CCDC69: variants seen among roughly 807,000 people sequenced by gnomAD.
The protein encoded by CCDC69 is coiled-coil domain-containing protein 69.
Under a neutral mutation model 40.3 loss-of-function variants are expected in CCDC69, and 38 were observed. That is an observed-to-expected ratio of 0.94 (90% CI 0.73 to 1.24). The LOEUF is 1.24. Ranked by LOEUF, CCDC69 falls within the 50% of genes most tolerant of loss-of-function variation. The pLI is 0.00. For missense variants in CCDC69, 389 were observed against 357.9 expected, an observed-to-expected ratio of 1.09 and a Z score of -0.70; for synonymous variants, 141 against 138.9, an observed-to-expected ratio of 1.02 and a Z score of -0.11.
chr5:151,185,528 G>C lies in CCDC69; in HGVS notation c.509C>G (p.Pro170Arg). The stretch of plus-strand genomic sequence containing the variant: ...CAGCTCCTGCTCCCAGAACTGGCTG[G>C]GGCTCCCATAATCCTAGACAGGGAC... ...YKKHIQDYGS[P>R]SQFWEQELES... is the part of the protein sequence containing the mutation. Residue 170 changes from proline (P) to arginine (R), a missense_variant, in exon 7 of 9, where the codon CCC becomes CGC. Transcript: ENST00000355417. The C allele has an allele frequency of 6.2e-7, 1 of 1,613,976 alleles. No individual in the cohort carries two copies. Among genetic ancestry groups the C allele is most frequent in the Non-Finnish European group, 8.5e-7 (1 of 1,179,914 alleles).
At position 151,223,994 on chromosome 5, in the gene CCDC69, C is replaced by T. The variant is rs1170090702; in HGVS notation, c.-24G>A. 4 of 1,546,560 alleles carry T rather than the reference C, an allele frequency of 2.6e-6. No homozygotes were observed. Among genetic ancestry groups the T allele is most frequent in the East Asian group, 2.6e-5 (1 of 37,816 alleles). On this transcript the variant is annotated 5_prime_UTR_variant, in exon 1 of 9. Coordinates refer to ENST00000355417, the MANE Select transcript of CCDC69 (RefSeq NM_015621.3). ...ATCCTCCTCCGGGGGCTCCCGGACGCCGCTTCCCAACTCCGGGGCCCCCAG... is the reference window on the plus strand; with the variant it reads ...ATCCTCCTCCGGGGGCTCCCGGACGTCGCTTCCCAACTCCGGGGCCCCCAG...
chr5:151,203,857 T>A (rs1428298545), intron 2 of CCDC69, among the ~76,000 whole-genome samples: 2 of 140,668 alleles, frequency 1.4e-5, no homozygotes, highest in East Asian at 4.0e-4. Flanking sequence ...ATATATAGTA[T>A]ATATATAAAA....
At position 151,201,611 on chromosome 5, in the gene CCDC69, C is replaced by T; in HGVS notation, c.202G>A (p.Glu68Lys). The T allele has an allele frequency of 6.2e-7, 1 of 1,613,602 alleles. No individual in the cohort carries two copies. Among genetic ancestry groups the T allele is most frequent in the Non-Finnish European group, 8.5e-7 (1 of 1,179,672 alleles). The part of the protein sequence containing the change: ...KDITRILQQH[E>K]EEKKKWAQQV... The stretch of plus-strand genomic sequence containing the variant: ...TGTGCCCATTTCTTCTTTTCCTCCT[C>T]ATGTTGCTGGAGAATTCTGGTTATA... The change falls in exon 3 of 9, where the codon GAG becomes AAG. Residue 68 changes from glutamate (E) to lysine (K), a missense_variant. Glu to Lys is a moderately conservative substitution (Grantham distance 56). Coordinates refer to ENST00000355417, the MANE Select transcript of CCDC69 (RefSeq NM_015621.3).
chr5:151,186,062 C>A lies in CCDC69; in HGVS notation c.456G>T (p.Glu152Asp), dbSNP rs767606950. 1 of 1,613,900 alleles carries A rather than the reference C, an allele frequency of 6.2e-7. No homozygotes were observed. The highest frequency in any genetic ancestry group is 8.5e-7 in the Non-Finnish European group (1 of 1,179,968). ...TATAGTTTCGGCTCAGAATGGACTC[C>A]TCCACCCTCTTCATTTTGGCCTGGA... ...EAFQAKMKRV[E>D]ESILSRNYKK... is the part of the protein sequence containing the mutation. The change falls in exon 6 of 9, where the codon GAG (glutamate) becomes GAT (aspartate). Residue 152 changes from glutamate (E) to aspartate (D), a missense_variant. Transcript: ENST00000355417.
chr5:151,205,640 A>T (rs1361221011), intron 1 of CCDC69, among the ~76,000 whole-genome samples, 165 bp from the exon 2 acceptor site: 2 of 152,068 alleles, frequency 1.3e-5, no homozygotes, highest in Non-Finnish European at 2.9e-5. Context: ...CAGGCAGCAG[A>T]CCCTCTACCG....
At position 151,192,816 on chromosome 5, in the gene CCDC69, G is replaced by A. The variant is rs147336001; in HGVS notation, c.320-5357C>T. ...AAGAGTAATATAACACAACCAAGTGGAGCTTATGCCAGGAATGCAAGGCTA... is the reference window on the plus strand; with the variant it reads ...AAGAGTAATATAACACAACCAAGTGAAGCTTATGCCAGGAATGCAAGGCTA... On this transcript the variant is annotated intron_variant, in intron 4 of 8. Transcript: ENST00000355417. 1.9e-3 allele frequency among the ~76,000 whole-genome samples: 290 copies of A among 152,236 alleles called. 9 individuals carry two copies. In the East Asian group the frequency reaches 0.028, roughly 14 times the overall value.
At chr5:151,216,941 G>C (rs1481769855) in intron 1 of CCDC69, among the ~76,000 whole-genome samples, 1 of 152,060 alleles carries the variant, frequency 6.6e-6, no homozygotes, top group Non-Finnish European at 1.5e-5. Context: ...ACGTGTGTGT[G>C]GGGTGCGGGG....
rs569136161 is a variant in CCDC69, at chr5:151,217,832, G to C, written c.48+6091C>G. ...AATAATGTCGCATTTACAGGTTCTG[G>C]GTGAATGTAAATGTAGGAGGGGACA... On this transcript the variant is annotated intron_variant, in intron 1 of 8. Transcript: ENST00000355417. Among the ~76,000 whole-genome samples the C allele has an allele frequency of 4.6e-5, 7 of 152,298 alleles. No homozygotes were observed. The East Asian group carries it at 7.7e-4, about 17-fold the overall frequency.
At chr5:151,188,321 A>G (rs972796540) in intron 4 of CCDC69, among the ~76,000 whole-genome samples, 9 of 152,298 alleles carry the variant, frequency 5.9e-5, no homozygotes, top group African/African-American at 1.4e-4. Flanking sequence ...AATAATGTTC[A>G]AGGCCGGGCA....
intron 4 of CCDC69, among the ~76,000 whole-genome samples, chr5:151,196,006 T>G (rs1044177901): frequency 6.6e-6 from 1 of 152,160 alleles, no homozygotes; most frequent in African/African-American, 2.4e-5. Context: ...TCACAAGAAA[T>G]AAGGAAAGCC....
chr5:151,198,004 T>C (rs879514521), intron 4 of CCDC69, among the ~76,000 whole-genome samples: 1 of 152,212 alleles, frequency 6.6e-6, no homozygotes, highest in Non-Finnish European at 1.5e-5. Flanking sequence ...ATATTCTATG[T>C]ATATTACAGA....
In CCDC69 at chr5:151,199,089, G is replaced by A; in HGVS notation, c.232-5C>T. 6.2e-7 allele frequency: 1 copy of A among 1,612,118 alleles called. No homozygotes were observed. The highest frequency in any genetic ancestry group is 8.5e-7 in the Non-Finnish European group (1 of 1,178,568). ...TAGCTCCCTTTCCTTCTCCACCTGG[G>A]GGCAGAGAGTCCCGGGCAGGACTGA... is the stretch of plus-strand genomic sequence containing the variant. On this transcript the variant is annotated splice_region_variant and splice_polypyrimidine_tract_variant and intron_variant, in intron 3 of 8. Transcript: ENST00000355417.
intron 1 of CCDC69, among the ~76,000 whole-genome samples, chr5:151,209,877 G>A (rs1489726654): frequency 6.6e-6 from 1 of 152,124 alleles, no homozygotes; most frequent in Non-Finnish European, 1.5e-5. Flanking sequence ...AAGGTACCCA[G>A]CCTCAATTTC....
intron 5 of CCDC69, 63 bp from the exon 6 acceptor site, chr5:151,186,187 C>G: frequency 8.9e-7 from 1 of 1,120,698 alleles, no homozygotes; most frequent in Non-Finnish European, 1.4e-6. Flanking sequence ...AGGTGAACTT[C>G]GCCACATCCC....
At position 151,214,689 on chromosome 5, in the gene CCDC69, G is replaced by A. The variant is rs187512266; in HGVS notation, c.49-9214C>T. ...AGGCTGCACCACTCCGCTGCACCGG[G>A]GACACGGCCTATGCTCTGAACACCT... On this transcript the variant is annotated intron_variant, in intron 1 of 8. Coordinates refer to ENST00000355417, the MANE Select transcript of CCDC69 (RefSeq NM_015621.3). 1.3e-5 allele frequency among the ~76,000 whole-genome samples: 2 copies of A among 152,260 alleles called. 1 individual carries two copies. Among genetic ancestry groups the A allele is most frequent in the Admixed American group, 1.3e-4 (2 of 15,296 alleles).
intron 4 of CCDC69, among the ~76,000 whole-genome samples, chr5:151,191,727 T>C (rs901594861): frequency 6.6e-6 from 1 of 152,178 alleles, no homozygotes; most frequent in South Asian, 2.1e-4. Context: ...GGAGAAAATT[T>C]ATAGCTTAAA....
chr5:151,200,905 A>G (rs1235000184), intron 3 of CCDC69, among the ~76,000 whole-genome samples: 2 of 152,234 alleles, frequency 1.3e-5, no homozygotes, highest in Non-Finnish European at 2.9e-5. Flanking sequence ...AACTTTTCAT[A>G]GCACTTATAT....
intron 1 of CCDC69, among the ~76,000 whole-genome samples, chr5:151,209,258 C>T (rs920915730): frequency 3.9e-5 from 6 of 152,208 alleles, no homozygotes; most frequent in African/African-American, 1.2e-4. Flanking sequence ...TTGCATAAGA[C>T]GATTGCCATG....
At position 151,183,124 on chromosome 5, in the gene CCDC69, A is replaced by G; in HGVS notation, c.*313T>C. The G allele has an allele frequency of 1.9e-6, 1 of 517,286 alleles. No homozygotes were observed. Among genetic ancestry groups the G allele is most frequent in the South Asian group, 1.5e-5 (1 of 65,016 alleles). 32.0% of individuals were successfully genotyped at this position (517,286 alleles called of 1,614,324 possible). On this transcript the variant is annotated 3_prime_UTR_variant, in exon 9 of 9. Transcript: ENST00000355417. ...CTTTATGTCAAATGGCCAGCGTGACACAGACTGCCCCTGGGAAAGCCTCGG... is the reference window on the plus strand; with the variant it reads ...CTTTATGTCAAATGGCCAGCGTGACGCAGACTGCCCCTGGGAAAGCCTCGG...
Sources: allele counts gnomAD v4.1 joint callset (sites outside exome capture counted in the v4.1 genomes callset), GRCh38; gene constraint gnomAD v4.1.1; transcripts MANE v1.5; gene names NCBI Gene and HGNC (gene_info 2026-07-23, HGNC 2026-07-21).